Variants in PTPRK observed in about 807,000 individuals in gnomAD.
PTPRK encodes the protein receptor-type tyrosine-protein phosphatase kappa.
PTPRK carries 75 observed loss-of-function variants against 178.0 expected under a neutral mutation model. The observed-to-expected ratio is 0.42, with a 90% CI of 0.35 to 0.51. The LOEUF is 0.51. Among genes scored for constraint, PTPRK ranks in the 20% least tolerant of loss-of-function variants. PTPRK has a pLI of 0.02. For missense variants in PTPRK, 1,441 were observed against 1,797.8 expected, an observed-to-expected ratio of 0.80 and a Z score of 3.59; for synonymous variants, 637 against 620.6, an observed-to-expected ratio of 1.03 and a Z score of -0.39.
intron 25 of PTPRK, 122 bp from the exon 26 acceptor site, chr6:127,977,176 G>A: frequency 2.2e-6 from 2 of 925,172 alleles, no homozygotes; most frequent in Non-Finnish European, 3.3e-6. Flanking sequence ...TATGCAGAAG[G>A]AGCCAGAGTG....
chr6:128,122,391 T>TA (rs1464485502), intron 7 of PTPRK, among the ~76,000 whole-genome samples: 2 of 152,138 alleles, frequency 1.3e-5, no homozygotes, highest in African/African-American at 4.8e-5. Context: ...GGTGGAATCT[T>TA]ACCTGAAATC....
chr6:127,984,289 C>A (rs1226983016), intron 22 of PTPRK, among the ~76,000 whole-genome samples: 1 of 152,134 alleles, frequency 6.6e-6, no homozygotes, highest in Non-Finnish European at 1.5e-5. Flanking sequence ...TTATCATTTA[C>A]CAGACTCATC....
intron 3 of PTPRK, among the ~76,000 whole-genome samples, chr6:128,269,511 A>T (rs1819463868): frequency 6.6e-6 from 1 of 150,952 alleles, no homozygotes; most frequent in African/African-American, 2.5e-5. Context: ...ATGGTTAAAA[A>T]AATAAATTTA....
chr6:128,447,779 A>G, intron 1 of PTPRK, among the ~76,000 whole-genome samples: 1 of 151,932 alleles, frequency 6.6e-6, no homozygotes, highest in East Asian at 1.9e-4. Flanking sequence ...GTGTGCCACC[A>G]AGCCCAGCTA....
chr6:128,459,923 G>A (rs1187918424), intron 1 of PTPRK, among the ~76,000 whole-genome samples: 3 of 152,242 alleles, frequency 2.0e-5, no homozygotes, highest in Admixed American at 6.5e-5. Flanking sequence ...CATGCAGAAG[G>A]CAAAGGGGGA....
At chr6:128,351,539 G>A (rs918231208) in intron 2 of PTPRK, among the ~76,000 whole-genome samples, 4 of 152,058 alleles carry the variant, frequency 2.6e-5, no homozygotes, top group Admixed American at 1.3e-4. Flanking sequence ...GAATGTTCCT[G>A]GTAGCTCATT....
chr6:128,021,653 G>A (rs370475472), intron 13 of PTPRK, among the ~76,000 whole-genome samples: 80 of 152,190 alleles, frequency 5.3e-4, no homozygotes, highest in African/African-American at 1.9e-3. Context: ...AAAAAAGAAA[G>A]AAAGTTTCAT....
intron 2 of PTPRK, among the ~76,000 whole-genome samples, chr6:128,383,537 T>C (rs928844691): frequency 2.6e-5 from 4 of 152,230 alleles, no homozygotes; most frequent in African/African-American, 9.6e-5. Context: ...TGTGTAAATT[T>C]ATCATTCCAT....
chr6:128,172,690 GTA>G (rs1562722246), intron 7 of PTPRK, among the ~76,000 whole-genome samples: 1 of 150,840 alleles, frequency 6.6e-6, no homozygotes, highest in Non-Finnish European at 1.5e-5. Context: ...GCATATCAAT[GTA>G]TATATACTAG....
intron 1 of PTPRK, among the ~76,000 whole-genome samples, chr6:128,450,106 A>C (rs983922647): frequency 2.0e-5 from 3 of 151,600 alleles, no homozygotes; most frequent in Non-Finnish European, 2.9e-5. Flanking sequence ...TGACAAAGCA[A>C]GACGCATCTC....
At chr6:128,240,435 T>C (rs970576272) in intron 4 of PTPRK, among the ~76,000 whole-genome samples, 1 of 152,206 alleles carries the variant, frequency 6.6e-6, no homozygotes, top group Non-Finnish European at 1.5e-5. Flanking sequence ...ACTGCTGCCA[T>C]AGCATGTTGT....
At chr6:128,022,055 C>T (rs1311947793) in intron 13 of PTPRK, among the ~76,000 whole-genome samples, 1 of 152,098 alleles carries the variant, frequency 6.6e-6, no homozygotes, top group African/African-American at 2.4e-5. Context: ...ATATTTGATC[C>T]CCAAATCCCT....
At chr6:127,999,931 G>A (rs986793514) in intron 15 of PTPRK, 2 of 898,000 alleles carry the variant, frequency 2.2e-6, no homozygotes, top group African/African-American at 3.6e-5. Context: ...AAAAAGAAAA[G>A]AAACTTTAAA....
chr6:128,112,806 G>A (rs192550642), intron 7 of PTPRK, among the ~76,000 whole-genome samples: 1 of 152,086 alleles, frequency 6.6e-6, no homozygotes, highest in Non-Finnish European at 1.5e-5. Flanking sequence ...ATATTCTTTT[G>A]CTTTCACTTT....
chr6:128,000,370 T>A, intron 15 of PTPRK: 1 of 1,206,984 alleles, frequency 8.3e-7, no homozygotes, highest in Middle Eastern at 2.3e-4. Context: ...CAATCAGATT[T>A]GTGTGCCTCT....
At chr6:128,279,327 T>C (rs1431221194) in intron 3 of PTPRK, among the ~76,000 whole-genome samples, 2 of 152,032 alleles carry the variant, frequency 1.3e-5, no homozygotes, top group South Asian at 2.1e-4. Flanking sequence ...AGTCAGCCCC[T>C]AGATTAAGAG....
At chr6:128,494,201 T>TAAAAAAAAAA (rs11301155) in intron 1 of PTPRK, among the ~76,000 whole-genome samples, 2 of 112,944 alleles carry the variant, frequency 1.8e-5, no homozygotes, top group Non-Finnish European at 3.6e-5. Context: ...CCCTGTATCT[T>TAAAAAAAAAA]AAAAAAAAAA....
At chr6:128,176,164 C>T (rs1400979753) in intron 7 of PTPRK, among the ~76,000 whole-genome samples, 1 of 151,660 alleles carries the variant, frequency 6.6e-6, no homozygotes, top group African/African-American at 2.4e-5. Flanking sequence ...TATATATATG[C>T]ATATGTGTGT....
chr6:128,300,991 G>T (rs1303416756), intron 3 of PTPRK, among the ~76,000 whole-genome samples: 1 of 144,532 alleles, frequency 6.9e-6, no homozygotes, highest in Admixed American at 7.2e-5. Context: ...TACTTATAAT[G>T]TTAGCTGTTC....
Sources: allele counts gnomAD v4.1 joint callset (sites outside exome capture counted in the v4.1 genomes callset), GRCh38; gene constraint gnomAD v4.1.1; transcripts MANE v1.5; gene names NCBI Gene and HGNC (gene_info 2026-07-23, HGNC 2026-07-21).